The following XPR1 variants were observed in gnomAD, a reference collection of about 807,000 sequenced individuals.
The protein encoded by XPR1 is solute carrier family 53 member 1.
In XPR1, 28 loss-of-function variants were observed where a neutral mutation model predicts 87.5. The ratio of observed to expected loss-of-function variants is 0.32; its 90% CI spans 0.24 to 0.44. The LOEUF (loss-of-function observed/expected upper bound fraction) is 0.44, where lower values mean the gene tolerates loss of function less well. Ranked by LOEUF, XPR1 falls within the 20% of genes least tolerant of loss-of-function variation. XPR1 has a pLI of 1.00. For synonymous variants in XPR1, 300 were observed against 306.1 expected (o/e 0.98, Z 0.21); for missense variants, 559 against 862.3 (o/e 0.65, Z 4.41).
At chr1:180,706,448 C>T (rs183045486) in intron 2 of XPR1, among the ~76,000 whole-genome samples, 15 of 152,312 alleles carry the variant, frequency 9.8e-5, no homozygotes, top group African/African-American at 2.9e-4. Context: ...TTCAGGAATA[C>T]TGGAAAAAAT....
intron 2 of XPR1, among the ~76,000 whole-genome samples, chr1:180,735,835 C>T (rs559065164): frequency 6.6e-6 from 1 of 152,118 alleles, no homozygotes; most frequent in Non-Finnish European, 1.5e-5. Flanking sequence ...AGTTGCAGTT[C>T]CCATCCTTTA....
intron 3 of XPR1, among the ~76,000 whole-genome samples, chr1:180,799,280 C>T (rs1040225938): frequency 6.6e-6 from 1 of 152,074 alleles, no homozygotes; most frequent in African/African-American, 2.4e-5. Flanking sequence ...TGAGAGGAAC[C>T]ACTCCTACTT....
chr1:180,733,840 T>C (rs1368695440), intron 2 of XPR1, among the ~76,000 whole-genome samples: 2 of 152,176 alleles, frequency 1.3e-5, no homozygotes, highest in African/African-American at 4.8e-5. Context: ...AAAAGATGTT[T>C]TTGAGGGAAG....
At position 180,833,647 on chromosome 1, in the gene XPR1, A is replaced by T. The variant is rs1361010623; in HGVS notation, c.1135-1227A>T. 4.6e-4 allele frequency among the ~76,000 whole-genome samples: 67 copies of T among 145,132 alleles called. 1 individual carries two copies. Among genetic ancestry groups the T allele is most frequent in the Non-Finnish European group, 5.9e-5 (4 of 67,942 alleles). On this transcript the variant is annotated intron_variant, in intron 9 of 14. Transcript: ENST00000367590. ...TTCTTAAGATTTGAGTGCAAACTTA[A>T]AAACAAGAACAAAGCTTTTCATCAA...
intron 13 of XPR1, among the ~76,000 whole-genome samples, chr1:180,877,500 C>T (rs1652701244): frequency 6.6e-6 from 1 of 152,176 alleles, no homozygotes; most frequent in Non-Finnish European, 1.5e-5. Context: ...TTCCCAGCTC[C>T]TACTGTATAC....
intron 2 of XPR1, among the ~76,000 whole-genome samples, chr1:180,749,385 A>T (rs924531542): frequency 6.6e-6 from 1 of 152,184 alleles, no homozygotes; most frequent in African/African-American, 2.4e-5. Context: ...AAGTTATGAT[A>T]TATATCTTTG....
chr1:180,884,554 T>G lies in XPR1; in HGVS notation c.*488T>G, dbSNP rs1191501071. On this transcript the variant is annotated 3_prime_UTR_variant, in exon 15 of 15. Coordinates refer to ENST00000367590, the MANE Select transcript of XPR1 (RefSeq NM_004736.4). ...CCCAGCGCAAAGGCACTGGCCGCAC[T>G]TGCAGGAAAAGTGCAACTTAAAGCA... 1 of 152,750 alleles carries G rather than the reference T, an allele frequency of 6.5e-6. No individual in the cohort carries two copies. Among genetic ancestry groups the G allele is most frequent in the Non-Finnish European group, 1.5e-5 (1 of 68,088 alleles). 9.5% of individuals were successfully genotyped at this position (152,750 alleles called of 1,614,324 possible).
chr1:180,656,417 A>T (rs1240018035), intron 1 of XPR1, among the ~76,000 whole-genome samples: 4 of 74,650 alleles, frequency 5.4e-5, no homozygotes, highest in African/African-American at 2.5e-4. Context: ...ATATATTTAT[A>T]TATAAATATT....
chr1:180,766,457 T>C (rs1648290619), intron 2 of XPR1, among the ~76,000 whole-genome samples: 1 of 152,194 alleles, frequency 6.6e-6, no homozygotes. Flanking sequence ...CAAATATAAT[T>C]CTAAGTAGTA....
intron 2 of XPR1, among the ~76,000 whole-genome samples, chr1:180,739,934 A>C (rs1033922398): frequency 4.0e-5 from 6 of 151,362 alleles, no homozygotes; most frequent in Admixed American, 3.3e-4. Context: ...CTGGTCTGGA[A>C]CTCCTGACCT....
intron 12 of XPR1, among the ~76,000 whole-genome samples, chr1:180,867,119 A>G (rs1403262622): frequency 1.6e-5 from 1 of 64,348 alleles, no homozygotes; most frequent in Non-Finnish European, 3.0e-5. Context: ...AATTTCATCC[A>G]TGTCCCTACA....
At chr1:180,855,498 C>G (rs1174288607) in intron 11 of XPR1, among the ~76,000 whole-genome samples, 1 of 151,986 alleles carries the variant, frequency 6.6e-6, no homozygotes, top group African/African-American at 2.4e-5. Flanking sequence ...AACCTCGTCT[C>G]TACTAAAAAT....
chr1:180,772,852 A>G (rs1648571968), intron 2 of XPR1, among the ~76,000 whole-genome samples: 1 of 152,174 alleles, frequency 6.6e-6, no homozygotes, highest in South Asian at 2.1e-4. Context: ...AGTCTTGGGT[A>G]TGTCTTTATC....
At position 180,708,265 on chromosome 1, in the gene XPR1, T is replaced by A. The variant is rs541128654; in HGVS notation, c.121+25854T>A. On this transcript the variant is annotated intron_variant, in intron 2 of 14. Coordinates refer to ENST00000367590, the MANE Select transcript of XPR1 (RefSeq NM_004736.4). ...ATAGTAGCATCTGACTCTCATGTCA[T>A]CTGTGATTTACAAGACTGCATCTAA... Among the ~76,000 whole-genome samples, 3 of 152,314 alleles carry A rather than the reference T, an allele frequency of 2.0e-5. No homozygotes were observed. The East Asian group carries it at 5.8e-4, about 29-fold the overall frequency.
At chr1:180,722,719 T>C (rs1036644670) in intron 2 of XPR1, among the ~76,000 whole-genome samples, 3 of 152,214 alleles carry the variant, frequency 2.0e-5, no homozygotes, top group African/African-American at 7.2e-5. Flanking sequence ...TCAGGCTGTT[T>C]TTTAGCTTGA....
At chr1:180,853,205 G>A (rs964990538) in intron 11 of XPR1, among the ~76,000 whole-genome samples, 2 of 152,174 alleles carry the variant, frequency 1.3e-5, no homozygotes, top group African/African-American at 4.8e-5. Flanking sequence ...TGGGATTATA[G>A]GCATGAGCCA....
chr1:180,715,614 T>C (rs78845567), intron 2 of XPR1, among the ~76,000 whole-genome samples: 4,111 of 152,234 alleles, frequency 0.027, 85 homozygotes, highest in Middle Eastern at 0.071. Context: ...AAATTATCTG[T>C]ATGGGAAAAG....
In XPR1 at chr1:180,834,994, T is replaced by G; in HGVS notation, c.1255T>G (p.Leu419Val). Residue 419 changes from leucine to valine, a missense_variant, in exon 10 of 15, where the codon TTG becomes GTG. Coordinates refer to ENST00000367590, the MANE Select transcript of XPR1 (RefSeq NM_004736.4). ...GGAATATATGATCTGCTTCTACAGT[T>G]TGGAGCTCAAATGGGATGAAAGTAA... ...DLEYMICFYSLELKWDESKGL... is the reference protein window; with the variant it reads ...DLEYMICFYSVELKWDESKGL... 6.2e-7 allele frequency: 1 copy of G among 1,614,134 alleles called. No individual in the cohort carries two copies. Among genetic ancestry groups the G allele is most frequent in the Non-Finnish European group, 8.5e-7 (1 of 1,179,994 alleles).
chr1:180,881,169 ATT>A (rs36070137), intron 14 of XPR1, among the ~76,000 whole-genome samples: 1 of 147,972 alleles, frequency 6.8e-6, no homozygotes. Context: ...GTCACAGATA[ATT>A]TTTTTTTTTT....
Sources: allele counts gnomAD v4.1 joint callset (sites outside exome capture counted in the v4.1 genomes callset), GRCh38; gene constraint gnomAD v4.1.1; transcripts MANE v1.5; gene names NCBI Gene and HGNC (gene_info 2026-07-23, HGNC 2026-07-21).